The following PABPC4L variants were observed in gnomAD, a reference collection of about 807,000 sequenced individuals.
PABPC4L encodes the protein poly(A) binding protein cytoplasmic 4 like.
For missense variants in PABPC4L, 452 were observed against 451.4 expected, an observed-to-expected ratio of 1.00 and a Z score of -0.01; for synonymous variants, 169 against 164.1, an observed-to-expected ratio of 1.03 and a Z score of -0.23.
At position 134,200,136 on chromosome 4, in the gene PABPC4L, A is replaced by T; in HGVS notation, c.884T>A (p.Leu295His). 1.3e-6 allele frequency: 2 copies of T among 1,551,616 alleles called. No individual in the cohort carries two copies. Among genetic ancestry groups the T allele is most frequent in the Admixed American group, 2.0e-5 (1 of 50,990 alleles). ...ERIRGCQGVK[L>H]YIKNLDDTID... The stretch of plus-strand genomic sequence containing the variant: ...GGTGTCATCAAGGTTCTTAATATAG[A>T]GTTTTACCCCCTGGCACCCACGAAT... Residue 295 changes from leucine (L) to histidine (H), a missense_variant, in exon 2 of 2, where the codon CTC becomes CAC. Physicochemically the swap from Leu to His is moderately conservative, Grantham distance 99. Coordinates refer to ENST00000421491, the MANE Select transcript of PABPC4L (RefSeq NM_001114734.2).
At chr4:134,166,109 G>T in the PABPC4L span, among the ~76,000 whole-genome samples, 1 of 152,060 alleles carries the variant, frequency 6.6e-6, no homozygotes, top group African/African-American at 2.4e-5. Context: ...TGGTACAACG[G>T]ACACCACAGA....
the PABPC4L span, among the ~76,000 whole-genome samples, chr4:133,990,280 T>C: frequency 2.0e-5 from 3 of 152,198 alleles, no homozygotes; most frequent in Non-Finnish European, 4.4e-5. Context: ...ATTTTTGTAA[T>C]TTTCATAATA....
At chr4:134,074,236 C>A in the PABPC4L span, among the ~76,000 whole-genome samples, 32 of 152,102 alleles carry the variant, frequency 2.1e-4, no homozygotes, top group African/African-American at 7.7e-4. Context: ...TTTCAAAGTT[C>A]CACAGATCTC....
the PABPC4L span, among the ~76,000 whole-genome samples, chr4:134,188,811 T>C: frequency 6.6e-6 from 1 of 152,116 alleles, no homozygotes; most frequent in Non-Finnish European, 1.5e-5. Context: ...TCCTGCTCAG[T>C]GCTCTCGGAG....
At chr4:134,040,418 C>T in the PABPC4L span, among the ~76,000 whole-genome samples, 1 of 151,956 alleles carries the variant, frequency 6.6e-6, no homozygotes, top group East Asian at 1.9e-4. Flanking sequence ...TCAGAAATAA[C>T]ACCACACATC....
the PABPC4L span, among the ~76,000 whole-genome samples, chr4:133,997,985 T>C: frequency 2.6e-5 from 4 of 151,992 alleles, no homozygotes; most frequent in Non-Finnish European, 5.9e-5. Context: ...TCAGTACCAT[T>C]TGTATAATTT....
the PABPC4L span, among the ~76,000 whole-genome samples, chr4:134,059,413 GTGTATATATAGTGTGTATATA>G: frequency 4.1e-5 from 6 of 147,908 alleles, no homozygotes; most frequent in Non-Finnish European, 7.5e-5. Context: ...TATAGTGTGC[GTGTATATATAGTGTGTATATA>G]TGTATATATA....
At chr4:134,084,008 C>T in the PABPC4L span, among the ~76,000 whole-genome samples, 1 of 152,060 alleles carries the variant, frequency 6.6e-6, no homozygotes, top group Non-Finnish European at 1.5e-5. Flanking sequence ...TTTGTGAAAT[C>T]ATAAGAACAC....
chr4:134,145,913 A>C, the PABPC4L span, among the ~76,000 whole-genome samples: 1 of 151,964 alleles, frequency 6.6e-6, no homozygotes, highest in Non-Finnish European at 1.5e-5. Context: ...ATAGTGAAAA[A>C]ATTATTTTAA....
At chr4:133,974,452 G>A in the PABPC4L span, among the ~76,000 whole-genome samples, 4 of 151,824 alleles carry the variant, frequency 2.6e-5, no homozygotes, top group African/African-American at 9.7e-5. Flanking sequence ...CTTGACTTGG[G>A]TTAACCAAAT....
chr4:134,061,624 G>C, the PABPC4L span, among the ~76,000 whole-genome samples: 3 of 12,942 alleles, frequency 2.3e-4, no homozygotes, highest in Non-Finnish European at 3.8e-4. Flanking sequence ...CATACACAGA[G>C]AGAGAGAGAG....
At chr4:134,057,438 C>T in the PABPC4L span, among the ~76,000 whole-genome samples, 1 of 152,016 alleles carries the variant, frequency 6.6e-6, no homozygotes, top group African/African-American at 2.4e-5. Context: ...GTTCACTAGG[C>T]CTCATCTAGC....
the PABPC4L span, among the ~76,000 whole-genome samples, chr4:134,047,540 T>C: frequency 2.0e-5 from 3 of 152,192 alleles, no homozygotes; most frequent in Non-Finnish European, 4.4e-5. Context: ...TCAGCCCTCA[T>C]TAACACACTG....
chr4:134,096,886 G>A, the PABPC4L span, among the ~76,000 whole-genome samples: 1 of 151,866 alleles, frequency 6.6e-6, no homozygotes, highest in South Asian at 2.1e-4. Flanking sequence ...ATGTAAAAAT[G>A]CTACTTGCAT....
chr4:133,949,248 T>C, the PABPC4L span, among the ~76,000 whole-genome samples: 1 of 152,334 alleles, frequency 6.6e-6, no homozygotes, highest in African/African-American at 2.4e-5. Flanking sequence ...AGCAGCCCAT[T>C]TCAGAACATA....
the PABPC4L span, among the ~76,000 whole-genome samples, chr4:134,148,756 C>T: frequency 6.6e-6 from 1 of 152,108 alleles, no homozygotes; most frequent in Admixed American, 6.6e-5. Flanking sequence ...GGTCTGTTAT[C>T]CCTGCCAGTA....
At chr4:134,097,716 G>C in the PABPC4L span, among the ~76,000 whole-genome samples, 2 of 151,612 alleles carry the variant, frequency 1.3e-5, no homozygotes, top group Non-Finnish European at 2.9e-5. Context: ...ATCACGACTC[G>C]ACTCTAACAA....
At chr4:134,096,547 T>C in the PABPC4L span, among the ~76,000 whole-genome samples, 1 of 151,970 alleles carries the variant, frequency 6.6e-6, no homozygotes, top group Non-Finnish European at 1.5e-5. Flanking sequence ...TCATTCTGGG[T>C]ATTGCATATT....
At chr4:134,082,062 G>A in the PABPC4L span, among the ~76,000 whole-genome samples, 2 of 152,108 alleles carry the variant, frequency 1.3e-5, no homozygotes, top group African/African-American at 4.8e-5. Context: ...TAAAGACAAA[G>A]TGATCTAACG....
Sources: gnomAD v4.1 joint callset for allele counts (sites outside exome capture counted in the v4.1 genomes callset) on GRCh38, gnomAD v4.1.1 for gene constraint, MANE v1.5 for transcripts, NCBI Gene and HGNC (gene_info 2026-07-23, HGNC 2026-07-21) for gene names.